The following PCCA variants were observed in gnomAD, a reference collection of about 807,000 sequenced individuals.
PCCA encodes propionyl-CoA carboxylase alpha chain, mitochondrial.
PCCA carries 74 observed loss-of-function variants against 101.3 expected under a neutral mutation model. The ratio of observed to expected loss-of-function variants is 0.73; its 90% CI spans 0.61 to 0.89. The LOEUF (loss-of-function observed/expected upper bound fraction) is 0.89. Among genes scored for constraint, PCCA ranks in the 40% least tolerant of loss-of-function variants. PCCA has a pLI of 0.00. For synonymous variants in PCCA, 294 were observed against 313.6 expected (o/e 0.94, Z 0.66); for missense variants, 891 against 907.0 (o/e 0.98, Z 0.23).
chr13:100,438,711 G>A (rs1199549891), intron 20 of PCCA, among the ~76,000 whole-genome samples: 2 of 151,328 alleles, frequency 1.3e-5, no homozygotes, highest in African/African-American at 2.4e-5. Context: ...CCGAGATCAC[G>A]CTTCTGTCTG....
chr13:100,276,527 C>G (rs540891370), intron 12 of PCCA, among the ~76,000 whole-genome samples: 1 of 152,108 alleles, frequency 6.6e-6, no homozygotes, highest in Non-Finnish European at 1.5e-5. Flanking sequence ...GGAACAATCT[C>G]ACATACACAG....
chr13:100,340,539 G>A (rs988108465), intron 18 of PCCA, among the ~76,000 whole-genome samples: 1 of 152,132 alleles, frequency 6.6e-6, no homozygotes, highest in Non-Finnish European at 1.5e-5. Context: ...CGAGTAGTTT[G>A]TGTTTATGAT....
At chr13:100,337,875 C>A (rs576855485) in intron 17 of PCCA, among the ~76,000 whole-genome samples, 1 of 152,152 alleles carries the variant, frequency 6.6e-6, no homozygotes, top group Non-Finnish European at 1.5e-5. Context: ...CATTTTACAT[C>A]CTGACATAGT....
chr13:100,160,551 G>A (rs2054359318), intron 6 of PCCA: 2 of 151,504 alleles, frequency 1.3e-5, no homozygotes, highest in African/African-American at 4.8e-5. Context: ...TGCTTAGATA[G>A]TTCATAGAAA....
chr13:100,348,760 CTTTCTTTCTTTCTTT>C lies in PCCA; in HGVS notation c.1643+8502_1643+8516del, dbSNP rs2072713378. On this transcript the variant is annotated intron_variant, in intron 18 of 23. Coordinates refer to ENST00000376285, the MANE Select transcript of PCCA (RefSeq NM_000282.4). ...TCTTTCTTTCTTTCTTTCTTTCTTT[CTTTCTTTCTTTCTTT>C]CTTTCTTTCTTTCTTCCTTCCTTCC... Among the ~76,000 whole-genome samples the C allele has an allele frequency of 1.1e-4, 9 of 78,344 alleles. No individual in the cohort carries two copies. In the South Asian group the frequency reaches 2.7e-3, roughly 23 times the overall value. The allele number at this position is 78,344 out of a possible 152,430, so 51.4% of individuals were successfully genotyped here. A position where few individuals can be genotyped will look rare whatever the true frequency, so the allele number is the denominator to read the frequency against.
intron 16 of PCCA, among the ~76,000 whole-genome samples, chr13:100,326,081 A>G (rs2068643975): frequency 6.6e-6 from 1 of 152,210 alleles, no homozygotes; most frequent in African/African-American, 2.4e-5. Flanking sequence ...TTGTTGTCAT[A>G]TAAAAAGCTG....
At chr13:100,094,674 G>A (rs2046605998) in intron 1 of PCCA, among the ~76,000 whole-genome samples, 1 of 152,116 alleles carries the variant, frequency 6.6e-6, no homozygotes, top group Non-Finnish European at 1.5e-5. Flanking sequence ...GGCAACCTCC[G>A]CCTCCGGGGT....
At chr13:100,502,970 G>A (rs567277468) in intron 21 of PCCA, among the ~76,000 whole-genome samples, 6 of 152,298 alleles carry the variant, frequency 3.9e-5, no homozygotes, top group South Asian at 2.1e-4. Context: ...GACCTAGGGC[G>A]TTAAAGCTGT....
chr13:100,227,417 TTTAG>T (rs1466185962), intron 7 of PCCA, among the ~76,000 whole-genome samples: 2 of 152,176 alleles, frequency 1.3e-5, no homozygotes, highest in Non-Finnish European at 2.9e-5. Flanking sequence ...TTTACTACCA[TTTAG>T]TTAGTTTTTG....
intron 19 of PCCA, among the ~76,000 whole-genome samples, chr13:100,395,656 T>C (rs1479807948): frequency 6.6e-6 from 1 of 152,246 alleles, no homozygotes. Context: ...TTTAAAATTA[T>C]GGATGTGATT....
chr13:100,246,367 T>TGGTG lies in PCCA; in HGVS notation c.637+10490_637+10493dup, dbSNP rs1169534332. ...CTCTGTCATTGAGGCTGGAGTGCAG[T>TGGTG]GGTGTGATCACGGCTCACTGTAGCC... is the stretch of plus-strand genomic sequence containing the variant. On this transcript the variant is annotated intron_variant, in intron 8 of 23. Coordinates refer to ENST00000376285, the MANE Select transcript of PCCA (RefSeq NM_000282.4). Among the ~76,000 whole-genome samples the TGGTG allele has an allele frequency of 2.6e-5, 4 of 152,324 alleles. 1 individual carries two copies. The South Asian group carries it at 6.2e-4, about 24-fold the overall frequency.
chr13:100,437,147 T>A (rs1179980421), intron 20 of PCCA, among the ~76,000 whole-genome samples: 1 of 152,204 alleles, frequency 6.6e-6, no homozygotes, highest in Non-Finnish European at 1.5e-5. Context: ...TTTCTCTTTC[T>A]CAAAGGCTTG....
chr13:100,353,389 A>G (rs1456136571), intron 18 of PCCA, among the ~76,000 whole-genome samples: 1 of 152,198 alleles, frequency 6.6e-6, no homozygotes, highest in African/African-American at 2.4e-5. Flanking sequence ...TAGGCCATAA[A>G]ACAAGCCTCA....
At chr13:100,387,772 C>T (rs1223770210) in intron 19 of PCCA, among the ~76,000 whole-genome samples, 1 of 152,184 alleles carries the variant, frequency 6.6e-6, no homozygotes, top group Non-Finnish European at 1.5e-5. Context: ...ATGTGAAGAT[C>T]CTGCCCGTGT....
intron 20 of PCCA, among the ~76,000 whole-genome samples, chr13:100,444,677 G>A (rs2080672406): frequency 6.6e-6 from 1 of 151,956 alleles, no homozygotes; most frequent in Admixed American, 6.6e-5. Context: ...TCCTGACCTG[G>A]TGATCCGCCC....
chr13:100,120,803 A>G (rs748592500), intron 4 of PCCA, among the ~76,000 whole-genome samples: 18 of 152,162 alleles, frequency 1.2e-4, no homozygotes, highest in Non-Finnish European at 2.2e-4. Context: ...TTTGTGGAGA[A>G]TAGTTTATGA....
intron 21 of PCCA, among the ~76,000 whole-genome samples, chr13:100,488,594 A>G (rs573411209): frequency 2.7e-5 from 4 of 150,372 alleles, no homozygotes; most frequent in Non-Finnish European, 5.9e-5. Flanking sequence ...GCAACAACAT[A>G]GTGGTATCCT....
chr13:100,282,588 T>C (rs1351077910), intron 12 of PCCA, among the ~76,000 whole-genome samples: 2 of 151,966 alleles, frequency 1.3e-5, no homozygotes. Context: ...GCTGTGGAGG[T>C]TGTACTGGGT....
intron 6 of PCCA, among the ~76,000 whole-genome samples, chr13:100,206,969 C>G (rs1195164488): frequency 6.6e-6 from 1 of 152,214 alleles, no homozygotes; most frequent in African/African-American, 2.4e-5. Context: ...CTCCATAACT[C>G]ACCAGTCCTC....
Sources: allele counts gnomAD v4.1 joint callset (sites outside exome capture counted in the v4.1 genomes callset), GRCh38; gene constraint gnomAD v4.1.1; transcripts MANE v1.5; gene names NCBI Gene and HGNC (gene_info 2026-07-23, HGNC 2026-07-21).